ITCH: variants seen among roughly 807,000 people sequenced by gnomAD.
The protein encoded by ITCH is E3 ubiquitin-protein ligase Itchy homolog.
In ITCH, 28 loss-of-function variants were observed where a neutral mutation model predicts 126.8. The ratio of observed to expected loss-of-function variants is 0.22; its 90% confidence interval spans 0.16 to 0.30. The LOEUF (loss-of-function observed/expected upper bound fraction) is 0.30, where lower values mean the gene tolerates loss of function less well. Ranked by LOEUF, ITCH falls within the 10% of genes least tolerant of loss-of-function variation. The pLI, the probability that ITCH is intolerant of heterozygous loss-of-function variation, is 1.00. For missense variants in ITCH, 631 were observed against 1,032.4 expected (o/e 0.61, Z 5.33); for synonymous variants, 342 against 340.0 (o/e 1.01, Z -0.06).
intron 12 of ITCH, among the ~76,000 whole-genome samples, chr20:34,451,714 A>G (rs575660798): frequency 3.4e-4 from 52 of 152,202 alleles, no homozygotes; most frequent in Non-Finnish European, 6.3e-4. Flanking sequence ...TATGTTAGAG[A>G]AGGAGAAAAA....
At chr20:34,466,496 G>T (rs978197420) in intron 14 of ITCH, 53 of 471,946 alleles carry the variant, frequency 1.1e-4, no homozygotes, top group South Asian at 8.3e-4. Flanking sequence ...GGCCAATTTG[G>T]TATTAATGAA....
intron 20 of ITCH, among the ~76,000 whole-genome samples, chr20:34,485,984 T>C (rs185907826): frequency 1.3e-5 from 2 of 152,298 alleles, no homozygotes; most frequent in East Asian, 1.9e-4. Context: ...TATTTCCAAC[T>C]AAGTATTTCT....
At chr20:34,434,333 A>G (rs973532807) in intron 7 of ITCH, among the ~76,000 whole-genome samples, 1 of 152,192 alleles carries the variant, frequency 6.6e-6, no homozygotes, top group Admixed American at 6.6e-5. Flanking sequence ...TGCACTAACT[A>G]TATTAACTGC....
intron 6 of ITCH, among the ~76,000 whole-genome samples, chr20:34,419,485 C>CTT (rs1192397617): frequency 7.8e-5 from 11 of 141,092 alleles, no homozygotes; most frequent in Non-Finnish European, 1.2e-4. Flanking sequence ...TCAGTGTTGC[C>CTT]TTTTTTTTTT....
At chr20:34,450,644 A>G (rs1985082316) in intron 12 of ITCH, among the ~76,000 whole-genome samples, 1 of 152,202 alleles carries the variant, frequency 6.6e-6, no homozygotes, top group South Asian at 2.1e-4. Context: ...GAAAGTGGAA[A>G]ACAACATAAA....
chr20:34,502,644 A>G (rs888411503), intron 23 of ITCH, among the ~76,000 whole-genome samples: 2 of 151,728 alleles, frequency 1.3e-5, no homozygotes, highest in African/African-American at 4.8e-5. Flanking sequence ...TGGGAGGCGG[A>G]GGTTGTGGTG....
chr20:34,407,639 G>GTGCT (rs1978332238), intron 3 of ITCH, among the ~76,000 whole-genome samples: 1 of 152,016 alleles, frequency 6.6e-6, no homozygotes, highest in Non-Finnish European at 1.5e-5. Context: ...ATTCCTTCCT[G>GTGCT]TGCTTGCTAT....
chr20:34,448,392 C>CAA (rs1349817852), intron 11 of ITCH, among the ~76,000 whole-genome samples: 1 of 128,384 alleles, frequency 7.8e-6, no homozygotes. Context: ...GACTCCATCT[C>CAA]AAAAAAAAAA....
intron 1 of ITCH, among the ~76,000 whole-genome samples, chr20:34,364,754 G>C (rs2037348898): frequency 8.0e-6 from 1 of 125,232 alleles, no homozygotes; most frequent in Admixed American, 8.5e-5. Flanking sequence ...TCCTGGGCGT[G>C]GTGGCGCGCG....
intron 20 of ITCH, among the ~76,000 whole-genome samples, chr20:34,484,859 T>C (rs2146488656): frequency 6.6e-6 from 1 of 152,328 alleles, no homozygotes; most frequent in South Asian, 2.1e-4. Flanking sequence ...CTGTTCCATA[T>C]AGCATCATGT....
chr20:34,480,047 C>T (rs896703245), intron 18 of ITCH, among the ~76,000 whole-genome samples: 4 of 151,916 alleles, frequency 2.6e-5, no homozygotes, highest in East Asian at 1.9e-4. Context: ...TACAGGTGTG[C>T]GCCACCATGC....
At chr20:34,479,855 C>G in intron 18 of ITCH, 66 bp downstream of exon 18, 1 of 1,355,020 alleles carries the variant, frequency 7.4e-7, no homozygotes, top group Non-Finnish European at 1.1e-6. Context: ...CTCTTAGGTG[C>G]CATAACAGAT....
At chr20:34,379,198 G>A (rs1443537078) in intron 2 of ITCH, among the ~76,000 whole-genome samples, 1 of 151,900 alleles carries the variant, frequency 6.6e-6, no homozygotes, top group African/African-American at 2.4e-5. Flanking sequence ...CTGAGGTTTT[G>A]GAAGGGAATG....
intron 7 of ITCH, among the ~76,000 whole-genome samples, chr20:34,435,595 G>C (rs1382147656): frequency 6.6e-5 from 10 of 152,156 alleles, no homozygotes; most frequent in Admixed American, 5.9e-4. Flanking sequence ...AGAGCAGCCT[G>C]CCCTTTAATA....
At chr20:34,371,641 T>C (rs2037635103) in intron 2 of ITCH, among the ~76,000 whole-genome samples, 1 of 152,172 alleles carries the variant, frequency 6.6e-6, no homozygotes, top group African/African-American at 2.4e-5. Context: ...TTGTGATAGC[T>C]ACTATAAAGC....
intron 7 of ITCH, among the ~76,000 whole-genome samples, chr20:34,431,444 A>T (rs1485275617): frequency 6.6e-6 from 1 of 152,028 alleles, no homozygotes; most frequent in Non-Finnish European, 1.5e-5. Flanking sequence ...GGGCCTTGGG[A>T]TGGGAGAGTT....
chr20:34,369,006 C>T (rs1355647539), intron 1 of ITCH, among the ~76,000 whole-genome samples: 3 of 152,154 alleles, frequency 2.0e-5, no homozygotes, highest in Non-Finnish European at 2.9e-5. Context: ...CTTTTAGAGT[C>T]GCAAGGTCGT....
rs749641782 is a variant in ITCH at position 34,445,262 on chromosome 20, T to TG, written c.966-25_966-24insG. 26 of 1,430,754 alleles carry TG rather than the reference T, an allele frequency of 1.8e-5. No homozygotes were observed. In the Middle Eastern group the frequency reaches 9.2e-4, roughly 50 times the overall value. The allele number at this position is 1,430,754 out of a possible 1,614,324, so 88.6% of individuals were successfully genotyped here. A position where few individuals can be genotyped will look rare whatever the true frequency, so the allele number is the denominator to read the frequency against. On this transcript the variant is annotated intron_variant, in intron 10 of 24. Coordinates refer to ENST00000374864, the MANE Select transcript of ITCH (RefSeq NM_031483.7). ...ACAAGTATTTGTTGAATTAGCTTGT[T>TG]TTTTTTTTTTTTTTTCTGATTTAGC...
intron 7 of ITCH, among the ~76,000 whole-genome samples, chr20:34,435,314 G>A (rs1326446535): frequency 6.6e-6 from 1 of 151,982 alleles, no homozygotes; most frequent in East Asian, 1.9e-4. Context: ...GACTATAGGC[G>A]CATGCCACCA....
Sources: gnomAD v4.1 joint callset for allele counts (sites outside exome capture counted in the v4.1 genomes callset) on GRCh38, gnomAD v4.1.1 for gene constraint, MANE v1.5 for transcripts, NCBI Gene and HGNC (gene_info 2026-07-23, HGNC 2026-07-21) for gene names.